DZIP1L: variants seen among roughly 807,000 people sequenced by gnomAD.
DZIP1L encodes the protein DAZ interacting zinc finger protein 1 like.
Under a neutral mutation model 88.7 loss-of-function variants are expected in DZIP1L, and 90 were observed. The observed-to-expected ratio is 1.02, with a 90% confidence interval of 0.86 to 1.21. The LOEUF (loss-of-function observed/expected upper bound fraction) is 1.21. Ranked by LOEUF, DZIP1L falls within the 50% of genes most tolerant of loss-of-function variation. The pLI is 0.00. For synonymous variants in DZIP1L, 363 were observed against 372.1 expected (o/e 0.98, Z 0.28); for missense variants, 932 against 955.8 (o/e 0.98, Z 0.33).
chr3:138,080,439 A>G, intron 10 of DZIP1L, 128 bp downstream of exon 10: 1 of 926,926 alleles, frequency 1.1e-6, no homozygotes, highest in South Asian at 1.6e-5. Flanking sequence ...ATATTATTTC[A>G]TGTCCTTAGA....
Position 138,069,241 on chromosome 3 carries a change from G to A in DZIP1L, c.1616-874C>T, listed in dbSNP as rs1943060951. ...CCCTTAATGAATAGTAAACATATTT[G>A]CTCTTCCTTGTGATTTTCTTAATAA... On this transcript the variant is annotated intron_variant, in intron 12 of 15. Coordinates refer to ENST00000327532, the MANE Select transcript of DZIP1L (RefSeq NM_173543.3). The A allele has an allele frequency of 5.7e-6, 3 of 527,518 alleles. No individual in the cohort carries two copies. In the South Asian group the frequency reaches 8.5e-5, roughly 15 times the overall value. The allele number at this position is 527,518 out of a possible 1,614,324, so 32.7% of individuals were successfully genotyped here.
chr3:138,106,868 A>AAG lies in DZIP1L; in HGVS notation c.-81-2818_-81-2817dup, dbSNP rs1167634446. Among the ~76,000 whole-genome samples the AAG allele has an allele frequency of 3.9e-3, 370 of 95,660 alleles. 2 individuals are homozygous for AAG. Among genetic ancestry groups the AAG allele is most frequent in the African/African-American group, 0.011 (349 of 31,476 alleles). 62.8% of individuals were successfully genotyped at this position (95,660 alleles called of 152,430 possible). ...GTAGGACTAGGTTGGCCAAAAAAAA[A>AAG]AGAGAGAGAGAGAGAGAAAGAGAGA... On this transcript the variant is annotated intron_variant, in intron 1 of 15. Transcript: ENST00000327532.
intron 12 of DZIP1L, 131 bp downstream of exon 12, chr3:138,071,512 C>T: frequency 1.9e-6 from 2 of 1,048,838 alleles, no homozygotes; most frequent in African/African-American, 1.6e-5. Context: ...AAGGACCCTA[C>T]CAGCTCAGCC....
chr3:138,101,841 C>G, intron 2 of DZIP1L: 1 of 1,307,484 alleles, frequency 7.6e-7, no homozygotes, highest in South Asian at 1.2e-5. Context: ...CCATGTCCTG[C>G]TTGGCCCGCT....
intron 2 of DZIP1L, among the ~76,000 whole-genome samples, chr3:138,098,793 G>T (rs1944590995): frequency 6.6e-6 from 1 of 152,120 alleles, no homozygotes. Context: ...ATATCAATTT[G>T]TTATCAATTA....
chr3:138,071,082 C>T (rs1400657365), intron 12 of DZIP1L, among the ~76,000 whole-genome samples: 1 of 152,240 alleles, frequency 6.6e-6, no homozygotes, highest in Non-Finnish European at 1.5e-5. Flanking sequence ...AAGGAACCAA[C>T]TATGAGCTCT....
intron 2 of DZIP1L, among the ~76,000 whole-genome samples, chr3:138,103,165 AACAC>A (rs916745716): frequency 2.3e-4 from 7 of 30,464 alleles, no homozygotes; most frequent in Non-Finnish European, 8.1e-4. Context: ...ATCATTTACA[AACAC>A]ACACACTCGC....
intron 1 of DZIP1L, among the ~76,000 whole-genome samples, chr3:138,107,492 C>A (rs939364144): frequency 6.6e-6 from 1 of 152,280 alleles, no homozygotes; most frequent in Non-Finnish European, 1.5e-5. Flanking sequence ...AAATACATTT[C>A]TTTTCTTTAT....
chr3:138,113,380 C>T (rs577878115), intron 1 of DZIP1L: 5 of 152,330 alleles, frequency 3.3e-5, no homozygotes, highest in African/African-American at 1.2e-4. Context: ...AACAACATCA[C>T]CACTTTACTG....
chr3:138,084,192 G>A lies in DZIP1L; in HGVS notation c.1124C>T (p.Ala375Val). The change falls in exon 8 of 16, where the codon GCC becomes GTC. Residue 375 changes from alanine (A) to valine (V), a missense_variant. Physicochemically the swap from Ala to Val is moderately conservative, Grantham distance 64. Coordinates refer to ENST00000327532, the MANE Select transcript of DZIP1L (RefSeq NM_173543.3). ...SLSQDQKKAA[A>V]QSQCQISTLR... The stretch of plus-strand genomic sequence containing the variant: ...GGTGCTGATCTGGCACTGGGACTGG[G>A]CAGCTGCCTTCTTCTGATCCTGAGA... The A allele has an allele frequency of 6.2e-7, 1 of 1,614,182 alleles. No homozygotes were observed. The highest frequency in any genetic ancestry group is 1.1e-5 in the South Asian group (1 of 91,090).
intron 2 of DZIP1L, chr3:138,102,040 C>A (rs1252406758): frequency 1.6e-5 from 23 of 1,474,330 alleles, no homozygotes; most frequent in Non-Finnish European, 2.2e-5. Flanking sequence ...TGCTTCCCAG[C>A]CAGCATCTGC....
In DZIP1L at chr3:138,088,455, A is replaced by G. The variant is rs1233241542; in HGVS notation, c.923T>C (p.Leu308Pro). The G allele has an allele frequency of 6.2e-7, 1 of 1,614,026 alleles. No homozygotes were observed. Among genetic ancestry groups the G allele is most frequent in the Admixed American group, 1.7e-5 (1 of 59,998 alleles). The change falls in exon 6 of 16, where the codon CTG becomes CCG. Residue 308 changes from leucine (L) to proline (P), a missense_variant. Physicochemically the swap from Leu to Pro is moderately conservative, Grantham distance 98. Transcript: ENST00000327532. ...HSVMESKLGS[L>P]RDEESEEWLR... The stretch of plus-strand genomic sequence containing the variant: ...CCACTCCTCTGACTCCTCATCTCGC[A>G]GTGATCCCAGCTTGGACTCCATCAC...
intron 1 of DZIP1L, among the ~76,000 whole-genome samples, chr3:138,108,641 G>C (rs1480213591): frequency 6.6e-6 from 1 of 152,112 alleles, no homozygotes; most frequent in Non-Finnish European, 1.5e-5. Flanking sequence ...GCTCTAGGCT[G>C]AGCCTCAGTC....
chr3:138,112,958 G>C (rs1172347921), intron 1 of DZIP1L, among the ~76,000 whole-genome samples: 1 of 152,088 alleles, frequency 6.6e-6, no homozygotes, highest in Non-Finnish European at 1.5e-5. Flanking sequence ...AAAAAAAAGA[G>C]AGAGAAGAAA....
In DZIP1L at chr3:138,103,879, A is replaced by G. The variant is rs1286180595; in HGVS notation, c.93T>C (p.Asp31=). 1.9e-6 allele frequency: 3 copies of G among 1,613,876 alleles called. No homozygotes were observed. The highest frequency in any genetic ancestry group is 2.5e-6 in the Non-Finnish European group (3 of 1,180,038). ...FPTFKFQPRH[D]SMDWRRISTL... is the part of the protein sequence containing the mutation. ...TGCTAATGCGTCTCCAGTCCATGCT[A>G]TCATGGCGAGGCTGAAACTTGAAGG... The change falls in exon 2 of 16, where the codon GAT becomes GAC. Residue 31 remains aspartate, a synonymous_variant. Transcript: ENST00000327532.
At chr3:138,113,239 C>A (rs1427967302) in intron 1 of DZIP1L, 1 of 152,202 alleles carries the variant, frequency 6.6e-6, no homozygotes, top group Non-Finnish European at 1.5e-5. Context: ...ACAGCCATCC[C>A]ACTGTGAAAC....
chr3:138,068,514 T>C (rs541836667), intron 12 of DZIP1L, 147 bp from the exon 13 acceptor site: 5 of 540,240 alleles, frequency 9.3e-6, no homozygotes, highest in Non-Finnish European at 1.5e-5. Flanking sequence ...TCATGACTGT[T>C]GCCAAATCAG....
chr3:138,102,366 T>C (rs1279100021), intron 2 of DZIP1L: 2 of 1,187,954 alleles, frequency 1.7e-6, no homozygotes, highest in African/African-American at 1.5e-5. Context: ...TGTATGCTTA[T>C]TGATCTCATC....
intron 2 of DZIP1L, among the ~76,000 whole-genome samples, chr3:138,098,157 T>C (rs1470997543): frequency 1.3e-5 from 2 of 152,202 alleles, no homozygotes; most frequent in East Asian, 1.9e-4. Flanking sequence ...CTTTCTCTTT[T>C]AGAGATACAA....
Sources: gnomAD v4.1 joint callset for allele counts (sites outside exome capture counted in the v4.1 genomes callset) on GRCh38, gnomAD v4.1.1 for gene constraint, MANE v1.5 for transcripts, NCBI Gene and HGNC (gene_info 2026-07-23, HGNC 2026-07-21) for gene names.